ZNF385D: variants seen among roughly 807,000 people sequenced by gnomAD.
ZNF385D encodes zinc finger protein 659.
A neutral mutation model predicts 35.8 loss-of-function variants in ZNF385D; 15 were observed. The ratio of observed to expected loss-of-function variants is 0.42; its 90% CI spans 0.28 to 0.64. The LOEUF (loss-of-function observed/expected upper bound fraction) is 0.64. ZNF385D is among the 30% of genes least tolerant of loss of function. The pLI is 0.23. For synonymous variants in ZNF385D, 212 were observed against 186.8 expected (o/e 1.13, Z -1.10); for missense variants, 474 against 494.6 (o/e 0.96, Z 0.39).
intron 2 of ZNF385D, among the ~76,000 whole-genome samples, chr3:21,585,389 C>G (rs1327798980): frequency 6.6e-6 from 1 of 152,134 alleles, no homozygotes; most frequent in East Asian, 1.9e-4. Context: ...ACAGCTAAAA[C>G]TACATTTTTA....
At chr3:22,304,579 T>A (rs989532225) in intron 2 of ZNF385D, among the ~76,000 whole-genome samples, 1 of 152,174 alleles carries the variant, frequency 6.6e-6, no homozygotes, top group African/African-American at 2.4e-5. Flanking sequence ...TGGTTAGTGA[T>A]ATAATCATGC....
intron 3 of ZNF385D, among the ~76,000 whole-genome samples, chr3:21,796,930 T>C (rs1046878508): frequency 1.3e-5 from 2 of 152,102 alleles, no homozygotes; most frequent in South Asian, 4.1e-4. Context: ...TCGGGATCCT[T>C]CCCCCTGCCC....
intron 3 of ZNF385D, among the ~76,000 whole-genome samples, chr3:21,899,413 C>G (rs1297998403): frequency 6.6e-6 from 1 of 152,128 alleles, no homozygotes; most frequent in African/African-American, 2.4e-5. Context: ...CAGAAAACAT[C>G]AGAGTTATCT....
chr3:21,412,488 C>T lies in ZNF385D; in HGVS notation c.*8726G>A, dbSNP rs1700506293. 6.6e-6 allele frequency: 1 copy of T among 151,940 alleles called. No homozygotes were observed. The highest frequency in any genetic ancestry group is 6.6e-5 in the Admixed American group (1 of 15,250). The allele number at this position is 151,940 out of a possible 1,614,324, so 9.4% of individuals were successfully genotyped here. A position where few individuals can be genotyped will look rare whatever the true frequency, so the allele number is the denominator to read the frequency against. On this transcript the variant is annotated 3_prime_UTR_variant, in exon 8 of 8. Coordinates refer to ENST00000281523, the MANE Select transcript of ZNF385D (RefSeq NM_024697.3). ...AAAAAAAAGTTTCCCAAATTGAAAA[C>T]ATTGCCTATGGATTATCTACAGAAG...
In ZNF385D at chr3:21,766,955, T is replaced by C. The variant is rs372203382; in HGVS notation, c.326-101927A>G. On this transcript the variant is annotated intron_variant, in intron 3 of 5. Transcript: ENST00000494108. ...TACCTAATCCGACACTTGACTCAAG[T>C]TGTGAGCTCAATGGCCATATTTAGT... Among the ~76,000 whole-genome samples the C allele has an allele frequency of 3.3e-5, 5 of 152,074 alleles. No individual in the cohort carries two copies. The East Asian group carries it at 7.7e-4, about 24-fold the overall frequency.
chr3:22,082,960 C>T (rs769788938), intron 3 of ZNF385D, among the ~76,000 whole-genome samples: 1 of 152,190 alleles, frequency 6.6e-6, no homozygotes, highest in African/African-American at 2.4e-5. Flanking sequence ...CTCCAGCAAA[C>T]TCCAACAGAC....
At chr3:21,711,532 C>A (rs1212160854) in intron 1 of ZNF385D, among the ~76,000 whole-genome samples, 2 of 152,110 alleles carry the variant, frequency 1.3e-5, no homozygotes. Context: ...TAAAAGTAAT[C>A]CAGTTCAGAT....
At chr3:21,502,195 C>A (rs1706423481) in intron 4 of ZNF385D, among the ~76,000 whole-genome samples, 3 of 152,198 alleles carry the variant, frequency 2.0e-5, no homozygotes, top group Non-Finnish European at 4.4e-5. Context: ...TCTTCCAAGA[C>A]ATCTCATCAA....
chr3:21,873,398 C>G (rs953996755), intron 3 of ZNF385D, among the ~76,000 whole-genome samples: 10 of 152,128 alleles, frequency 6.6e-5, no homozygotes, highest in Non-Finnish European at 1.5e-4. Context: ...ATGATATAGT[C>G]TCAGCTCTTT....
At chr3:21,691,603 A>T (rs2067288640) in intron 1 of ZNF385D, among the ~76,000 whole-genome samples, 1 of 152,086 alleles carries the variant, frequency 6.6e-6, no homozygotes, top group East Asian at 1.9e-4. Flanking sequence ...TTGCTCACAC[A>T]TCCACCAAGA....
intron 3 of ZNF385D, among the ~76,000 whole-genome samples, chr3:21,911,181 G>A (rs1220353428): frequency 6.6e-6 from 1 of 151,550 alleles, no homozygotes; most frequent in Non-Finnish European, 1.5e-5. Flanking sequence ...GAAATACTTG[G>A]GTAATTACAA....
chr3:22,168,052 G>A (rs1051204503), intron 3 of ZNF385D, among the ~76,000 whole-genome samples: 1 of 152,098 alleles, frequency 6.6e-6, no homozygotes, highest in Admixed American at 6.5e-5. Context: ...GGAAGAGATT[G>A]ACATTCATTC....
chr3:21,427,467 T>C (rs1701075199), intron 5 of ZNF385D, among the ~76,000 whole-genome samples: 1 of 152,194 alleles, frequency 6.6e-6, no homozygotes, highest in South Asian at 2.1e-4. Flanking sequence ...GGAAGCTGAA[T>C]GGGTCCAAAT....
intron 2 of ZNF385D, among the ~76,000 whole-genome samples, chr3:22,342,729 A>C (rs1695481353): frequency 6.6e-6 from 1 of 152,230 alleles, no homozygotes; most frequent in Non-Finnish European, 1.5e-5. Flanking sequence ...CTAGAACACC[A>C]ACAAGCAAAG....
chr3:22,343,138 G>A (rs1013784230), intron 2 of ZNF385D, among the ~76,000 whole-genome samples: 1 of 152,170 alleles, frequency 6.6e-6, no homozygotes, highest in Non-Finnish European at 1.5e-5. Context: ...ACTTTTTAAA[G>A]TGTAGTTACT....
chr3:22,106,709 T>A (rs1702231903), intron 3 of ZNF385D, among the ~76,000 whole-genome samples: 2 of 152,122 alleles, frequency 1.3e-5, no homozygotes, highest in Non-Finnish European at 2.9e-5. Flanking sequence ...ACCCTTGGAG[T>A]TGAACCTGTC....
chr3:22,251,180 A>T (rs1700043045), intron 2 of ZNF385D, among the ~76,000 whole-genome samples: 1 of 152,168 alleles, frequency 6.6e-6, no homozygotes, highest in African/African-American at 2.4e-5. Context: ...TCAAGATTTG[A>T]AAACCTGATG....
At chr3:22,276,266 T>G (rs1398412584) in intron 2 of ZNF385D, among the ~76,000 whole-genome samples, 1 of 152,098 alleles carries the variant, frequency 6.6e-6, no homozygotes, top group South Asian at 2.1e-4. Context: ...AAGTTCAGAA[T>G]ATGTATGATA....
At chr3:21,783,811 T>C (rs2071583423) in intron 3 of ZNF385D, among the ~76,000 whole-genome samples, 1 of 152,100 alleles carries the variant, frequency 6.6e-6, no homozygotes, top group South Asian at 2.1e-4. Flanking sequence ...TTTACAAATG[T>C]GGGGACATTA....
Sources: allele counts gnomAD v4.1 joint callset (sites outside exome capture counted in the v4.1 genomes callset), GRCh38; gene constraint gnomAD v4.1.1; transcripts MANE v1.5; gene names NCBI Gene and HGNC (gene_info 2026-07-23, HGNC 2026-07-21).